Variants in NYAP1 observed in about 807,000 individuals in gnomAD.
NYAP1 encodes neuronal tyrosine-phosphorylated phosphoinositide-3-kinase adapter 1.
Under a neutral mutation model 58.6 loss-of-function variants are expected in NYAP1, and 20 were observed. The ratio of observed to expected loss-of-function variants is 0.34; its 90% CI spans 0.24 to 0.50. The LOEUF (loss-of-function observed/expected upper bound fraction) is 0.50, where lower values mean the gene tolerates loss of function less well. Ranked by LOEUF, NYAP1 falls within the 20% of genes least tolerant of loss-of-function variation. The pLI is 0.98. For missense variants in NYAP1, 1,150 were observed against 1,194.5 expected (o/e 0.96, Z 0.55); for synonymous variants, 572 against 523.1 (o/e 1.09, Z -1.27).
Position 100,493,833 on chromosome 7 carries a change from C to A in NYAP1, c.2456C>A (p.Pro819His). Reference protein sequence around the residue: ...MPILPSWRRGPEPRKSGTPPC... With the variant: ...MPILPSWRRGHEPRKSGTPPC... Reference sequence around the variant, plus strand: ...ATCCTCCCCAGCTGGCGGCGGGGACCCGAGCCCCGCAAGTCCGGCACCCCG... The same window carrying A: ...ATCCTCCCCAGCTGGCGGCGGGGACACGAGCCCCGCAAGTCCGGCACCCCG... Residue 819 changes from proline (P) to histidine (H), a missense_variant, in exon 7 of 7, where the codon CCC becomes CAC. Coordinates refer to ENST00000300179, the MANE Select transcript of NYAP1 (RefSeq NM_173564.4). 1 of 1,571,620 alleles carries A rather than the reference C, an allele frequency of 6.4e-7. No homozygotes were observed.
In NYAP1 at chr7:100,494,150, T is replaced by G; in HGVS notation, c.*247T>G. The stretch of plus-strand genomic sequence containing the variant: ...CTTGAGGTTGGGGCGAGAGTCGCTC[T>G]GGCTGTTCTTCCCGCTGGGCGTTGT... On this transcript the variant is annotated 3_prime_UTR_variant, in exon 7 of 7. Transcript: ENST00000300179. The G allele has an allele frequency of 2.2e-6, 1 of 455,992 alleles. No individual in the cohort carries two copies. Among genetic ancestry groups the G allele is most frequent in the East Asian group, 3.7e-5 (1 of 26,694 alleles). The allele number at this position is 455,992 out of a possible 1,614,324, so 28.2% of individuals were successfully genotyped here. A position where few individuals can be genotyped will look rare whatever the true frequency, so the allele number is the denominator to read the frequency against.
chr7:100,491,101 G>A lies in NYAP1; in HGVS notation c.2268+6G>A. ...CCAGGGATGCCCTGAGCCAGGTGAG[G>A]CTTGGTTTTTCTTTTATTTGTGAAG... On this transcript the variant is annotated splice_donor_region_variant and intron_variant, in intron 6 of 6. Transcript: ENST00000300179. The A allele has an allele frequency of 1.3e-6, 2 of 1,532,310 alleles. No homozygotes were observed. Among genetic ancestry groups the A allele is most frequent in the Non-Finnish European group, 1.8e-6 (2 of 1,131,844 alleles). 94.9% of individuals were successfully genotyped at this position (1,532,310 alleles called of 1,614,324 possible). A position where few individuals can be genotyped will look rare whatever the true frequency, so the allele number is the denominator to read the frequency against.
intron 6 of NYAP1, among the ~76,000 whole-genome samples, chr7:100,491,697 A>C (rs1799797699): frequency 6.6e-6 from 1 of 151,726 alleles, no homozygotes; most frequent in South Asian, 2.1e-4. Flanking sequence ...AGATCACTTG[A>C]GGTCAGGAGT....
In NYAP1 at chr7:100,486,016, G is replaced by A. The variant is rs541136489; in HGVS notation, c.68+637G>A. 4.6e-5 allele frequency among the ~76,000 whole-genome samples: 7 copies of A among 152,280 alleles called. No homozygotes were observed. In the South Asian group the frequency reaches 1.5e-3, roughly 32 times the overall value. On this transcript the variant is annotated intron_variant, in intron 2 of 6. Transcript: ENST00000300179. The surrounding 1 kb of genome is among the most constrained non-coding windows in gnomAD (Gnocchi z 6.2). ...CCCATTGACTTCACAGCCACTTGGA[G>A]CCTGACTCACAGCCACCTCCCTTTT...
In NYAP1 at chr7:100,486,776, G is replaced by A; in HGVS notation, c.69-45G>A. On this transcript the variant is annotated intron_variant, in intron 2 of 6. Coordinates refer to ENST00000300179, the MANE Select transcript of NYAP1 (RefSeq NM_173564.4). The surrounding 1 kb of genome is among the most constrained non-coding windows in gnomAD (Gnocchi z 6.2). ...TTGGGGTGGAGAAGGGGGATGCCCA[G>A]GTCCGAGGCCCTTCCTCCACTCCAT... 1 of 1,421,246 alleles carries A rather than the reference G, an allele frequency of 7.0e-7. No homozygotes were observed. The highest frequency in any genetic ancestry group is 9.2e-7 in the Non-Finnish European group (1 of 1,092,100). The allele number at this position is 1,421,246 out of a possible 1,614,324, so 88.0% of individuals were successfully genotyped here.
At position 100,491,004 on chromosome 7, in the gene NYAP1, G is replaced by C; in HGVS notation, c.2177G>C (p.Arg726Pro). 2.6e-6 allele frequency: 4 copies of C among 1,553,842 alleles called. No homozygotes were observed. Among genetic ancestry groups the C allele is most frequent in the Non-Finnish European group, 3.5e-6 (4 of 1,148,184 alleles). The change falls in exon 6 of 7, where the codon CGC (arginine) becomes CCC (proline). Residue 726 changes from arginine to proline, a missense_variant. Physicochemically the swap from Arg to Pro is moderately radical, Grantham distance 103. Coordinates refer to ENST00000300179, the MANE Select transcript of NYAP1 (RefSeq NM_173564.4). ...HRNGDFTGGYRLGRSASTSGV... is the reference protein window; with the variant it reads ...HRNGDFTGGYPLGRSASTSGV... ...ACCTCAGACTTCACGGGAGGCTACCGCCTGGGGCGCTCCGCCTCCACCTCC... is the reference window on the plus strand; with the variant it reads ...ACCTCAGACTTCACGGGAGGCTACCCCCTGGGGCGCTCCGCCTCCACCTCC...
rs1286228399 is a variant in NYAP1 at position 100,485,834 on chromosome 7, G to A, written c.68+455G>A. On this transcript the variant is annotated intron_variant, in intron 2 of 6. Coordinates refer to ENST00000300179, the MANE Select transcript of NYAP1 (RefSeq NM_173564.4). This position sits in a 1 kb window ranked among gnomAD's most constrained non-coding sequence, Gnocchi z 5.7. ...AGGTGAGTGGTCAAGTGATGGGGTT[G>A]TGTGTGTGGTGGGCAGACATGCAGG... is the stretch of plus-strand genomic sequence containing the variant. 6.6e-6 allele frequency among the ~76,000 whole-genome samples: 1 copy of A among 152,146 alleles called. No homozygotes were observed. The highest frequency in any genetic ancestry group is 1.5e-5 in the Non-Finnish European group (1 of 68,002).
In NYAP1 at chr7:100,486,912, C is replaced by T. The variant is rs758589298; in HGVS notation, c.160C>T (p.Arg54Cys). The change falls in exon 3 of 7, where the codon CGC becomes TGC. Residue 54 changes from arginine (R) to cysteine (C), a missense_variant. By Grantham distance (180) the Arg-to-Cys change is radical. Coordinates refer to ENST00000300179, the MANE Select transcript of NYAP1 (RefSeq NM_173564.4). The surrounding 1 kb of genome is among the most constrained non-coding windows in gnomAD (Gnocchi z 6.2). ...VRVRDIASLRRSLRMGFMTMP... is the reference protein window; with the variant it reads ...VRVRDIASLRCSLRMGFMTMP... ...CGTGCGGGACATCGCCTCGCTGCGG[C>T]GCTCCCTCAGGATGGGTTTCATGAC... 8.2e-6 allele frequency: 13 copies of T among 1,591,716 alleles called. No individual in the cohort carries two copies. Among genetic ancestry groups the T allele is most frequent in the East Asian group, 2.3e-5 (1 of 44,016 alleles).
Position 100,486,675 on chromosome 7 carries a change from T to C in NYAP1, c.69-146T>C. ...GCCTGAAGCCCCTTCATTGGTGCCC[T>C]GGACCTTCTGGCAACCCTGTCCCCA... On this transcript the variant is annotated intron_variant, in intron 2 of 6. Coordinates refer to ENST00000300179, the MANE Select transcript of NYAP1 (RefSeq NM_173564.4). The surrounding 1 kb of genome is among the most constrained non-coding windows in gnomAD (Gnocchi z 6.2). 1 of 914,210 alleles carries C rather than the reference T, an allele frequency of 1.1e-6. No homozygotes were observed. Among genetic ancestry groups the C allele is most frequent in the Non-Finnish European group, 1.5e-6 (1 of 648,558 alleles). 56.6% of individuals were successfully genotyped at this position (914,210 alleles called of 1,614,324 possible). A position where few individuals can be genotyped will look rare whatever the true frequency, so the allele number is the denominator to read the frequency against.
rs568764737 is a variant in NYAP1 at position 100,488,436 on chromosome 7, C to T, written c.715C>T (p.Leu239Phe). The T allele has an allele frequency of 6.2e-7, 1 of 1,604,206 alleles. No homozygotes were observed. Among genetic ancestry groups the T allele is most frequent in the South Asian group, 1.1e-5 (1 of 90,304 alleles). The part of the protein sequence containing the change: ...RSGGGLAGPP[L>F]GGGGPTPPAG... ...TGGAGGAGGCCTGGCTGGGCCCCCTCTTGGGGGTGGGGGCCCGACCCCTCC... is the reference window on the plus strand; with the variant it reads ...TGGAGGAGGCCTGGCTGGGCCCCCTTTTGGGGGTGGGGGCCCGACCCCTCC... The change falls in exon 4 of 7, where the codon CTT becomes TTT. Residue 239 changes from leucine to phenylalanine, a missense_variant. Leu to Phe is a conservative substitution (Grantham distance 22). Coordinates refer to ENST00000300179, the MANE Select transcript of NYAP1 (RefSeq NM_173564.4). This position sits in a 1 kb window ranked among gnomAD's most constrained non-coding sequence, Gnocchi z 5.9.
At chr7:100,489,794 T>A in intron 4 of NYAP1, 128 bp downstream of exon 4, 1 of 714,346 alleles carries the variant, frequency 1.4e-6, no homozygotes, top group Non-Finnish European at 2.1e-6. Context: ...GGATGTTTTC[T>A]AGGAGACCAG....
At chr7:100,484,314 G>T (rs1799676229) in intron 1 of NYAP1, among the ~76,000 whole-genome samples, 1 of 152,170 alleles carries the variant, frequency 6.6e-6, no homozygotes, top group Non-Finnish European at 1.5e-5. Context: ...CAGCCCAGAA[G>T]GTAGCAGTGG....
At position 100,489,164 on chromosome 7, in the gene NYAP1, G is replaced by T. The variant is rs1799752678; in HGVS notation, c.1443G>T (p.Leu481=). Residue 481 remains leucine (L), a synonymous_variant, in exon 4 of 7, where the codon CTG becomes CTT. Transcript: ENST00000300179. ...THSVLPAGPP[L]GAGEPKTEKE... Reference sequence around the variant, plus strand: ...CTGTCCTGCCAGCTGGTCCACCCCTGGGTGCTGGGGAGCCAAAGACGGAGA... The same window carrying T: ...CTGTCCTGCCAGCTGGTCCACCCCTTGGTGCTGGGGAGCCAAAGACGGAGA... 4 of 1,610,632 alleles carry T rather than the reference G, an allele frequency of 2.5e-6. No individual in the cohort carries two copies. Among genetic ancestry groups the T allele is most frequent in the Non-Finnish European group, 3.4e-6 (4 of 1,178,968 alleles).
chr7:100,488,546 C>T lies in NYAP1; in HGVS notation c.825C>T (p.Gly275=), dbSNP rs148267102. Residue 275 remains glycine (G), a synonymous_variant, in exon 4 of 7, where the codon GGC becomes GGT. Transcript: ENST00000300179. The surrounding 1 kb of genome is among the most constrained non-coding windows in gnomAD (Gnocchi z 5.9). The part of the protein sequence containing the change: ...KYPLPEEAGE[G]RANGPPPLTA... Reference sequence around the variant, plus strand: ...CGCTGCCGGAAGAGGCTGGGGAAGGCCGGGCCAATGGCCCTCCACCATTGA... The same window carrying T: ...CGCTGCCGGAAGAGGCTGGGGAAGGTCGGGCCAATGGCCCTCCACCATTGA... 4.2e-5 allele frequency: 68 copies of T among 1,612,130 alleles called. No individual in the cohort carries two copies. Among genetic ancestry groups the T allele is most frequent in the Non-Finnish European group, 5.7e-5 (67 of 1,179,740 alleles).
chr7:100,494,170 C>T lies in NYAP1; in HGVS notation c.*267C>T, dbSNP rs1049661440. 8.5e-5 allele frequency: 37 copies of T among 436,310 alleles called. No individual in the cohort carries two copies. The highest frequency in any genetic ancestry group is 4.3e-4 in the Admixed American group (10 of 23,274). The allele number at this position is 436,310 out of a possible 1,614,324, so 27.0% of individuals were successfully genotyped here. ...CGCTCTGGCTGTTCTTCCCGCTGGG[C>T]GTTGTACACCCCTCCTCCTGAACCA... On this transcript the variant is annotated 3_prime_UTR_variant, in exon 7 of 7. Coordinates refer to ENST00000300179, the MANE Select transcript of NYAP1 (RefSeq NM_173564.4).
In NYAP1 at chr7:100,487,597, G is replaced by A. The variant is rs1019640387; in HGVS notation, c.430+415G>A. 6.6e-6 allele frequency among the ~76,000 whole-genome samples: 1 copy of A among 152,180 alleles called. No individual in the cohort carries two copies. Among genetic ancestry groups the A allele is most frequent in the Non-Finnish European group, 1.5e-5 (1 of 68,032 alleles). On this transcript the variant is annotated intron_variant, in intron 3 of 6. Coordinates refer to ENST00000300179, the MANE Select transcript of NYAP1 (RefSeq NM_173564.4). This position sits in a 1 kb window ranked among gnomAD's most constrained non-coding sequence, Gnocchi z 4.1. ...GCTCACTGCATCCTCCGCCTCCCAG[G>A]TTCAAGCAGTTCTCCTGCCTCAGCC...
In NYAP1 at chr7:100,489,659, G is replaced by A. The variant is rs1159005191; in HGVS notation, c.1938G>A (p.Glu646=). The change falls in exon 4 of 7, where the codon GAG becomes GAA. Residue 646 remains glutamate, a synonymous_variant. Transcript: ENST00000300179. The stretch of plus-strand genomic sequence containing the variant: ...TCTATGGAGGGAGAAAAGCAAAGGA[G>A]TTGGACAGTGAGTGAGGGGTGGGGA... ...KVLYGGRKAK[E]LDKVEDGARA... is the part of the protein sequence containing the mutation. The A allele has an allele frequency of 8.0e-7, 1 of 1,244,580 alleles. No individual in the cohort carries two copies. Among genetic ancestry groups the A allele is most frequent in the Non-Finnish European group, 1.1e-6 (1 of 928,700 alleles). 77.1% of individuals were successfully genotyped at this position (1,244,580 alleles called of 1,614,324 possible).
Position 100,488,320 on chromosome 7 carries a change from C to T in NYAP1, c.599C>T (p.Ser200Phe), listed in dbSNP as rs765226805. The change falls in exon 4 of 7, where the codon TCC (serine) becomes TTC (phenylalanine). Residue 200 changes from serine (S) to phenylalanine (F), a missense_variant. Ser to Phe is a radical substitution (Grantham distance 155). Transcript: ENST00000300179. This position sits in a 1 kb window ranked among gnomAD's most constrained non-coding sequence, Gnocchi z 5.9. The stretch of plus-strand genomic sequence containing the variant: ...CCTCTTCAGCGCCTCACTAGGGGGT[C>T]CCGAGTAGCTGGGGACCCTGATGTG... ...NLPLQRLTRG[S>F]RVAGDPDVGA... 1 of 1,611,478 alleles carries T rather than the reference C, an allele frequency of 6.2e-7. No homozygotes were observed. Among genetic ancestry groups the T allele is most frequent in the Admixed American group, 1.7e-5 (1 of 59,300 alleles).
rs1799782051 is a variant in NYAP1, at chr7:100,490,582, G to T, written c.2011G>T (p.Asp671Tyr). 6.3e-7 allele frequency: 1 copy of T among 1,583,804 alleles called. No individual in the cohort carries two copies. Among genetic ancestry groups the T allele is most frequent in the Non-Finnish European group, 8.6e-7 (1 of 1,165,254 alleles). Residue 671 changes from aspartate to tyrosine, a missense_variant, in exon 5 of 7, where the codon GAC (aspartate) becomes TAC (tyrosine). Transcript: ENST00000300179. The surrounding 1 kb of genome is among the most constrained non-coding windows in gnomAD (Gnocchi z 4.6). Reference protein sequence around the residue: ...AEGPGKVEREDRGPGTSGIPV... With the variant: ...AEGPGKVEREYRGPGTSGIPV... ...GGGTCCAGGCAAGGTGGAGCGTGAG[G>T]ACAGGGGCCCTGGGACATCGGGGAT...
Sources: gnomAD v4.1 joint callset for allele counts (sites outside exome capture counted in the v4.1 genomes callset) on GRCh38, gnomAD v4.1.1 for gene constraint, Gnocchi (gnomAD v3.1) non-coding constraint, MANE v1.5 for transcripts, NCBI Gene and HGNC (gene_info 2026-07-23, HGNC 2026-07-21) for gene names.